The following KDM4C variants were observed in gnomAD, a reference collection of about 807,000 sequenced individuals.
KDM4C encodes lysine demethylase 4C, also known as lysine-specific demethylase 4C.
Under a neutral mutation model 129.3 loss-of-function variants are expected in KDM4C, and 81 were observed. That is an observed-to-expected ratio of 0.63 (90% confidence interval 0.52 to 0.75). The LOEUF (loss-of-function observed/expected upper bound fraction) is 0.75. Among genes scored for constraint, KDM4C ranks in the 30% least tolerant of loss-of-function variants. The pLI is 0.00. For synonymous variants in KDM4C, 573 were observed against 456.1 expected, an observed-to-expected ratio of 1.26 and a Z score of -3.26; for missense variants, 1,457 against 1,304.0, an observed-to-expected ratio of 1.12 and a Z score of -1.81.
intron 17 of KDM4C, among the ~76,000 whole-genome samples, chr9:7,092,989 A>G (rs1464923657): frequency 2.6e-5 from 4 of 152,162 alleles, no homozygotes; most frequent in Admixed American, 2.6e-4. Context: ...CAAAATATTT[A>G]CTTTTAATTG....
intron 4 of KDM4C, chr9:6,835,471 A>G: frequency 3.6e-6 from 5 of 1,397,192 alleles, no homozygotes; most frequent in Non-Finnish European, 4.1e-6. Flanking sequence ...CTCTGTGTGG[A>G]TTGGCGGCTC....
chr9:7,084,220 A>G (rs1158438508), intron 17 of KDM4C, among the ~76,000 whole-genome samples: 1 of 152,208 alleles, frequency 6.6e-6, no homozygotes, highest in Non-Finnish European at 1.5e-5. Context: ...TTTCGGAGCC[A>G]CTACATGGTG....
chr9:7,068,013 G>T (rs926100349), intron 17 of KDM4C, among the ~76,000 whole-genome samples: 1 of 152,068 alleles, frequency 6.6e-6, no homozygotes, highest in Non-Finnish European at 1.5e-5. Context: ...AGTCAGGATG[G>T]TCTCGATCTC....
chr9:6,890,890 G>A (rs553461193), intron 7 of KDM4C, among the ~76,000 whole-genome samples: 1 of 152,318 alleles, frequency 6.6e-6, no homozygotes, highest in South Asian at 2.1e-4. Flanking sequence ...CTCAGATAAT[G>A]GAGCTTGAAC....
At chr9:6,739,919 C>A (rs1240079007) in intron 1 of KDM4C, among the ~76,000 whole-genome samples, 1 of 152,138 alleles carries the variant, frequency 6.6e-6, no homozygotes, top group Non-Finnish European at 1.5e-5. Flanking sequence ...GAGACGGAGT[C>A]TCACTCTGTT....
intron 15 of KDM4C, among the ~76,000 whole-genome samples, chr9:7,035,335 AT>A (rs112264338): frequency 2.2e-4 from 19 of 84,664 alleles, no homozygotes; most frequent in Non-Finnish European, 3.6e-4. Flanking sequence ...CTTAAATCAG[AT>A]TTTTTTTTTT....
At chr9:6,799,057 C>A (rs923045932) in intron 2 of KDM4C, among the ~76,000 whole-genome samples, 6 of 151,002 alleles carry the variant, frequency 4.0e-5, no homozygotes, top group African/African-American at 9.8e-5. Context: ...GGCGGCCGGG[C>A]AGAGACGCTC....
intron 18 of KDM4C, among the ~76,000 whole-genome samples, chr9:7,105,759 T>C (rs1488248894): frequency 6.6e-6 from 1 of 152,222 alleles, no homozygotes; most frequent in Non-Finnish European, 1.5e-5. Flanking sequence ...ATATTGAAGT[T>C]GCTATTAAAG....
intron 2 of KDM4C, among the ~76,000 whole-genome samples, chr9:6,799,669 G>C (rs890697746): frequency 7.3e-6 from 1 of 137,712 alleles, no homozygotes; most frequent in Non-Finnish European, 1.6e-5. Flanking sequence ...TTACAAAACA[G>C]AAAAACATTT....
At chr9:7,089,062 A>C (rs573895192) in intron 17 of KDM4C, among the ~76,000 whole-genome samples, 1 of 152,318 alleles carries the variant, frequency 6.6e-6, no homozygotes, top group Admixed American at 6.5e-5. Flanking sequence ...AGATGAGTTA[A>C]AAAACAAAAC....
chr9:7,060,426 T>A (rs1476660797), intron 17 of KDM4C, among the ~76,000 whole-genome samples: 1 of 150,208 alleles, frequency 6.7e-6, no homozygotes, highest in Non-Finnish European at 1.5e-5. Context: ...TAATTCTAAA[T>A]CAGGGATGAC....
chr9:7,128,151 T>A lies in KDM4C; in HGVS notation c.2696T>A (p.Val899Glu). ...AACACCCGGTATTACAGTTGCAGAG[T>A]GATGGCTGTGACATCGCAGACCTTC... Reference protein sequence around the residue: ...HRNTRYYSCRVMAVTSQTFYE... With the variant: ...HRNTRYYSCREMAVTSQTFYE... The change falls in exon 19 of 22, where the codon GTG becomes GAG. Residue 899 changes from valine (V) to glutamate (E), a missense_variant. Physicochemically the swap from Val to Glu is moderately radical, Grantham distance 121. Transcript: ENST00000381309. 6.2e-7 allele frequency: 1 copy of A among 1,613,378 alleles called. No homozygotes were observed. Among genetic ancestry groups the A allele is most frequent in the Non-Finnish European group, 8.5e-7 (1 of 1,179,732 alleles).
chr9:6,980,814 C>T (rs549632793), intron 8 of KDM4C, 111 bp from the exon 9 acceptor site: 9 of 861,672 alleles, frequency 1.0e-5, no homozygotes, highest in African/African-American at 5.2e-5. Flanking sequence ...AATGCATTAT[C>T]CTCCATTATG....
At chr9:7,158,427 G>T (rs1349174776) in intron 19 of KDM4C, among the ~76,000 whole-genome samples, 2 of 151,398 alleles carry the variant, frequency 1.3e-5, no homozygotes, top group African/African-American at 4.9e-5. Flanking sequence ...TCTTTTAATT[G>T]TGATGTTAGG....
intron 1 of KDM4C, among the ~76,000 whole-genome samples, chr9:6,765,225 T>C (rs1820376482): frequency 6.6e-6 from 1 of 152,236 alleles, no homozygotes; most frequent in Non-Finnish European, 1.5e-5. Context: ...AGATGGTTTT[T>C]CATGTTCTCT....
chr9:6,859,925 A>G (rs1036461921), intron 5 of KDM4C, among the ~76,000 whole-genome samples: 1 of 152,156 alleles, frequency 6.6e-6, no homozygotes, highest in Non-Finnish European at 1.5e-5. Context: ...CTAGTTATTA[A>G]TAAGTCTTGC....
intron 5 of KDM4C, among the ~76,000 whole-genome samples, chr9:6,856,747 ATTT>A (rs781673639): frequency 6.7e-5 from 7 of 104,294 alleles, no homozygotes; most frequent in Non-Finnish European, 1.1e-4. Flanking sequence ...TAATTTTTGT[ATTT>A]TTTTTTTTTT....
At chr9:6,737,522 G>A (rs1441953701) in intron 1 of KDM4C, among the ~76,000 whole-genome samples, 1 of 151,774 alleles carries the variant, frequency 6.6e-6, no homozygotes, top group Non-Finnish European at 1.5e-5. Flanking sequence ...AAATTAGCTG[G>A]GCATGGTGGC....
intron 2 of KDM4C, among the ~76,000 whole-genome samples, chr9:6,796,391 G>A (rs983536680): frequency 2.6e-5 from 4 of 152,198 alleles, no homozygotes; most frequent in African/African-American, 9.7e-5. Flanking sequence ...GGCAGAGGTT[G>A]GGGATAACCA....
Sources: allele counts gnomAD v4.1 joint callset (sites outside exome capture counted in the v4.1 genomes callset), GRCh38; gene constraint gnomAD v4.1.1; transcripts MANE v1.5; gene names NCBI Gene and HGNC (gene_info 2026-07-23, HGNC 2026-07-21).